Variants in PRKACB observed in about 807,000 individuals in gnomAD.
PRKACB encodes the protein cAMP-dependent protein kinase catalytic subunit beta.
Under a neutral mutation model 51.4 loss-of-function variants are expected in PRKACB, and 16 were observed. The ratio of observed to expected loss-of-function variants is 0.31; its 90% CI spans 0.21 to 0.47. The LOEUF (loss-of-function observed/expected upper bound fraction) is 0.47. Among genes scored for constraint, PRKACB ranks in the 20% least tolerant of loss-of-function variants. PRKACB has a pLI of 1.00. For missense variants in PRKACB, 309 were observed against 464.5 expected, an observed-to-expected ratio of 0.67 and a Z score of 3.08; for synonymous variants, 147 against 154.4, an observed-to-expected ratio of 0.95 and a Z score of 0.35.
rs538691543 is a variant in PRKACB at position 84,219,006 on chromosome 1, T to A, written c.1071+4689T>A. On this transcript the variant is annotated intron_variant, in intron 9 of 9. Transcript: ENST00000370685. ...GATTGTTTATTTTTGGCTACTGAATTATTGGAGTTCCTTGTATATTCTGCA... is the reference window on the plus strand; with the variant it reads ...GATTGTTTATTTTTGGCTACTGAATAATTGGAGTTCCTTGTATATTCTGCA... Among the ~76,000 whole-genome samples, 3 of 152,318 alleles carry A rather than the reference T, an allele frequency of 2.0e-5. No individual in the cohort carries two copies. In the East Asian group the frequency reaches 5.8e-4, roughly 29 times the overall value.
intron 5 of PRKACB, among the ~76,000 whole-genome samples, chr1:84,194,483 A>C (rs1332541558): frequency 6.6e-6 from 1 of 152,216 alleles, no homozygotes; most frequent in African/African-American, 2.4e-5. Flanking sequence ...CAAATGAGGC[A>C]TTATAATTCT....
chr1:84,194,559 C>G (rs891311646), intron 5 of PRKACB, among the ~76,000 whole-genome samples: 2 of 152,176 alleles, frequency 1.3e-5, no homozygotes, highest in African/African-American at 4.8e-5. Flanking sequence ...TTCCTACATT[C>G]AATTAAATAT....
Position 84,237,110 on chromosome 1 carries a change from G to A in PRKACB, c.*1805G>A, listed in dbSNP as rs925083855. The A allele has an allele frequency of 1.3e-5, 2 of 152,372 alleles. No individual in the cohort carries two copies. The highest frequency in any genetic ancestry group is 2.9e-5 in the Non-Finnish European group (2 of 67,990). The allele number at this position is 152,372 out of a possible 1,614,324, so 9.4% of individuals were successfully genotyped here. A position where few individuals can be genotyped will look rare whatever the true frequency, so the allele number is the denominator to read the frequency against. ...TGCATGGTAATGTCATGTAAATGCT[G>A]ATATTGATTTCACTGGTCCATCTAT... On this transcript the variant is annotated 3_prime_UTR_variant, in exon 10 of 10. Coordinates refer to ENST00000370685, the MANE Select transcript of PRKACB (RefSeq NM_182948.4).
At chr1:84,223,360 G>GTTT (rs201399102) in intron 9 of PRKACB, among the ~76,000 whole-genome samples, 2 of 64,106 alleles carry the variant, frequency 3.1e-5, no homozygotes, top group Non-Finnish European at 6.1e-5. Context: ...CTGTTTGGTT[G>GTTT]TTTTTTTTTG....
intron 1 of PRKACB, among the ~76,000 whole-genome samples, chr1:84,137,370 T>C (rs138058785): frequency 4.6e-5 from 7 of 152,252 alleles, no homozygotes; most frequent in African/African-American, 1.7e-4. Flanking sequence ...TGGTAAAAAA[T>C]ATCATTAGGT....
At chr1:84,204,554 T>A in intron 8 of PRKACB, 1 of 1,589,578 alleles carries the variant, frequency 6.3e-7, no homozygotes, top group East Asian at 2.3e-5. Flanking sequence ...TTTGAAGAAT[T>A]TGAGAAGTGT....
At chr1:84,207,526 A>G (rs902136881) in intron 8 of PRKACB, among the ~76,000 whole-genome samples, 4 of 152,142 alleles carry the variant, frequency 2.6e-5, no homozygotes, top group Non-Finnish European at 5.9e-5. Flanking sequence ...TTTTTGATCA[A>G]TCAATTCTTT....
At position 84,215,423 on chromosome 1, in the gene PRKACB, A is replaced by G. The variant is rs535111601; in HGVS notation, c.1071+1106A>G. Among the ~76,000 whole-genome samples, 82 of 152,292 alleles carry G rather than the reference A, an allele frequency of 5.4e-4. 1 individual carries two copies. In the South Asian group the frequency reaches 0.017, roughly 31 times the overall value. The stretch of plus-strand genomic sequence containing the variant: ...ATGTAAAAGTACTATACTGTGAGAA[A>G]TGTGGAAATTCAGAATAACTTTGCA... On this transcript the variant is annotated intron_variant, in intron 9 of 9. Transcript: ENST00000370685.
intron 1 of PRKACB, chr1:84,178,826 C>G (rs1662223082): frequency 6.3e-6 from 1 of 159,044 alleles, no homozygotes. Flanking sequence ...TATCTAAAGG[C>G]TCCGTTAATA....
At chr1:84,197,950 C>T in intron 7 of PRKACB, 126 bp downstream of exon 7, 1 of 639,198 alleles carries the variant, frequency 1.6e-6, no homozygotes, top group Non-Finnish European at 2.5e-6. Context: ...GAATTTAAAT[C>T]TATTTGTGCA....
chr1:84,173,772 A>C (rs1239633098), intron 1 of PRKACB, among the ~76,000 whole-genome samples: 2 of 151,914 alleles, frequency 1.3e-5, no homozygotes, highest in Non-Finnish European at 2.9e-5. Context: ...ACTAATGACA[A>C]AGTAGAAGGA....
chr1:84,078,721 C>G (rs942679483), intron 1 of PRKACB, among the ~76,000 whole-genome samples: 1 of 152,322 alleles, frequency 6.6e-6, no homozygotes, highest in East Asian at 1.9e-4. Context: ...GCTTTCCCCC[C>G]TCGCCGACTC....
At chr1:84,095,246 T>C (rs1339147853) in intron 1 of PRKACB, among the ~76,000 whole-genome samples, 1 of 114,544 alleles carries the variant, frequency 8.7e-6, no homozygotes, top group Non-Finnish European at 2.0e-5. Context: ...CCATATTTGC[T>C]GTTTTTTTTT....
chr1:84,192,771 A>C (rs933839390), intron 5 of PRKACB, among the ~76,000 whole-genome samples: 2 of 152,212 alleles, frequency 1.3e-5, no homozygotes, highest in Non-Finnish European at 2.9e-5. Flanking sequence ...TAAGAACAAC[A>C]GACTGTTTGA....
intron 8 of PRKACB, among the ~76,000 whole-genome samples, chr1:84,207,716 T>C (rs748746712): frequency 7.2e-5 from 11 of 152,234 alleles, no homozygotes; most frequent in East Asian, 1.9e-4. Context: ...ATAATGTTAC[T>C]AGTTAAATGA....
intron 9 of PRKACB, among the ~76,000 whole-genome samples, chr1:84,226,214 T>C (rs1468086530): frequency 6.6e-6 from 1 of 151,850 alleles, no homozygotes; most frequent in South Asian, 2.1e-4. Flanking sequence ...ATCATCCTTA[T>C]CTCCTGTATG....
chr1:84,139,896 A>G (rs922760701), upstream of PRKACB, among the ~76,000 whole-genome samples: 1 of 152,102 alleles, frequency 6.6e-6, no homozygotes, highest in African/African-American at 2.4e-5. Context: ...GTCTCTACTA[A>G]AAATAATTAA....
chr1:84,231,757 T>C (rs1285486909), intron 9 of PRKACB, among the ~76,000 whole-genome samples: 3,789 of 151,928 alleles, frequency 0.025, 160 homozygotes, highest in African/African-American at 0.086. Context: ...TCTGTGGGAT[T>C]GGTGGTGATA....
At chr1:84,182,483 A>G (rs142701050) in intron 3 of PRKACB, among the ~76,000 whole-genome samples, 155 bp downstream of exon 3, 321 of 152,112 alleles carry the variant, frequency 2.1e-3, no homozygotes, top group African/African-American at 7.2e-3. Flanking sequence ...TATTGTAACT[A>G]TATTATACAT....
Sources: allele counts gnomAD v4.1 joint callset (sites outside exome capture counted in the v4.1 genomes callset), GRCh38; gene constraint gnomAD v4.1.1; transcripts MANE v1.5; gene names NCBI Gene and HGNC (gene_info 2026-07-23, HGNC 2026-07-21).